The following MYOM3 variants were observed in gnomAD, a reference collection of about 807,000 sequenced individuals.
MYOM3 encodes the protein myomesin-3.
Under a neutral mutation model 191.7 loss-of-function variants are expected in MYOM3, and 155 were observed. The observed-to-expected ratio is 0.81, with a 90% CI of 0.71 to 0.92. The LOEUF (loss-of-function observed/expected upper bound fraction) is 0.92, where lower values mean the gene tolerates loss of function less well. Among genes scored for constraint, MYOM3 ranks in the 40% least tolerant of loss-of-function variants. The probability of loss-of-function intolerance (pLI) is 0.00; values close to 1 mark genes in which losing one functional copy is unlikely to be tolerated. For missense variants in MYOM3, 1,889 were observed against 1,890.6 expected, an observed-to-expected ratio of 1.00 and a Z score of 0.02; for synonymous variants, 757 against 762.9, an observed-to-expected ratio of 0.99 and a Z score of 0.13.
intron 4 of MYOM3, 94 bp from the exon 5 acceptor site, chr1:24,106,171 G>C (rs1643981917): frequency 7.3e-7 from 1 of 1,375,532 alleles, no homozygotes; most frequent in East Asian, 2.5e-5. Context: ...AGACTCTGTA[G>C]TTAGACCCAC....
At chr1:24,099,171 G>A (rs1311146983) in intron 6 of MYOM3, among the ~76,000 whole-genome samples, 2 of 152,168 alleles carry the variant, frequency 1.3e-5, no homozygotes, top group African/African-American at 2.4e-5. Flanking sequence ...ACCATGCTTA[G>A]GACGCACCAT....
chr1:24,065,256 GCT>G (rs1253927382), intron 29 of MYOM3, among the ~76,000 whole-genome samples: 1 of 152,182 alleles, frequency 6.6e-6, no homozygotes, highest in Non-Finnish European at 1.5e-5. Flanking sequence ...AGTCAGCAAG[GCT>G]CTGTTTGCTC....
Position 24,076,195 on chromosome 1 carries a change from T to C in MYOM3, c.2665A>G (p.Met889Val), listed in dbSNP as rs767537845. 21 of 1,614,150 alleles carry C rather than the reference T, an allele frequency of 1.3e-5. No individual in the cohort carries two copies. In the African/African-American group the frequency reaches 2.5e-4, roughly 19 times the overall value. ...TCCAGGAGCACGGGATCAGTGGGCA[T>C]GGACGGTTGCCCCAGACCAGCTGAA... ...MNSAGLGQPS[M>V]PTDPVLLEDK... Residue 889 changes from methionine (M) to valine (V), a missense_variant, in exon 21 of 37, where the codon ATG becomes GTG. By Grantham distance (21) the Met-to-Val change is conservative. Coordinates refer to ENST00000374434, the MANE Select transcript of MYOM3 (RefSeq NM_152372.4).
chr1:24,089,448 C>G (rs1282149327), intron 14 of MYOM3, 90 bp downstream of exon 14: 2 of 1,439,588 alleles, frequency 1.4e-6, no homozygotes, highest in African/African-American at 1.4e-5. Context: ...CTTTCATTCT[C>G]TGACGGCCTC....
At chr1:24,081,970 G>GACAC (rs747258551) in intron 18 of MYOM3, 31 bp downstream of exon 18, 1 of 1,586,276 alleles carries the variant, frequency 6.3e-7, no homozygotes, top group Non-Finnish European at 8.6e-7. Flanking sequence ...AACAAGTCAT[G>GACAC]ACACAGGCTG....
Position 24,092,971 on chromosome 1 carries a change from G to C in MYOM3, c.1066C>G (p.Gln356Glu). The change falls in exon 10 of 37, where the codon CAG becomes GAG. Residue 356 changes from glutamine (Q) to glutamate (E), a missense_variant. Coordinates refer to ENST00000374434, the MANE Select transcript of MYOM3 (RefSeq NM_152372.4). ...RVPSPFGPREQSTYVLVRDAE... is the reference protein window; with the variant it reads ...RVPSPFGPREESTYVLVRDAE... ...CCTCTCACAAGCACGTAGGTGCTCT[G>C]TTCCCGGGGTCCGAAGGGCGAGGGC... 1.2e-6 allele frequency: 2 copies of C among 1,601,486 alleles called. No homozygotes were observed. Among genetic ancestry groups the C allele is most frequent in the Non-Finnish European group, 1.7e-6 (2 of 1,175,236 alleles).
rs981659019 is a variant in MYOM3 at position 24,075,577 on chromosome 1, A to G, written c.2702-102T>C. 34 of 1,251,996 alleles carry G rather than the reference A, an allele frequency of 2.7e-5. No individual in the cohort carries two copies. The African/African-American group carries it at 4.9e-4, about 18-fold the overall frequency. 77.6% of individuals were successfully genotyped at this position (1,251,996 alleles called of 1,614,324 possible). Reference sequence around the variant, plus strand: ...CTCCAGGGCCTGCCTGTTGCACTTAATAATAAACTTGACTCCTTGCTGTGG... The same window carrying G: ...CTCCAGGGCCTGCCTGTTGCACTTAGTAATAAACTTGACTCCTTGCTGTGG... On this transcript the variant is annotated intron_variant, in intron 21 of 36. Transcript: ENST00000374434.
rs1643326483 is a variant in MYOM3, at chr1:24,058,155, TA to T, written c.4051-529del. On this transcript the variant is annotated intron_variant, in intron 36 of 36. Coordinates refer to ENST00000374434, the MANE Select transcript of MYOM3 (RefSeq NM_152372.4). Reference sequence around the variant, plus strand: ...ACTTACCCATCAGAATCTCAGACCATAATTACTCTCGCAATTATCGGTCCCA... The same window carrying T: ...ACTTACCCATCAGAATCTCAGACCATATTACTCTCGCAATTATCGGTCCCA... Among the ~76,000 whole-genome samples, 3 of 152,320 alleles carry T rather than the reference TA, an allele frequency of 2.0e-5. No homozygotes were observed. The East Asian group carries it at 5.8e-4, about 29-fold the overall frequency.
At chr1:24,080,901 G>C (rs977912194) in intron 19 of MYOM3, among the ~76,000 whole-genome samples, 1 of 152,172 alleles carries the variant, frequency 6.6e-6, no homozygotes, top group Non-Finnish European at 1.5e-5. Flanking sequence ...CTGGGTTATG[G>C]GAGCAGTGGG....
chr1:24,091,016 C>T lies in MYOM3; in HGVS notation c.1233-20G>A, dbSNP rs374233798. 4 of 1,612,658 alleles carry T rather than the reference C, an allele frequency of 2.5e-6. No individual in the cohort carries two copies. The highest frequency in any genetic ancestry group is 2.2e-5 in the South Asian group (2 of 90,966). On this transcript the variant is annotated intron_variant, in intron 11 of 36. Transcript: ENST00000374434. ...TGGCACCTGTTGGAGACAGGCCCCC[C>T]CTTTCAGCCCCTGCCCACAATGCAC...
rs749536495 is a variant in MYOM3, at chr1:24,090,823, T to A, written c.1406A>T (p.Asp469Val). Residue 469 changes from aspartate (D) to valine (V), a missense_variant, in exon 12 of 37, where the codon GAC (aspartate) becomes GTC (valine). Asp to Val is a radical substitution (Grantham distance 152, BLOSUM62 -3). Coordinates refer to ENST00000374434, the MANE Select transcript of MYOM3 (RefSeq NM_152372.4). ...TGTCTTCCTCCGGGCTGCATCATGG[T>A]CACCCATGACAACCAACTCTGAGGC... The part of the protein sequence containing the change: ...SKASELVVMG[D>V]HDAARRKTEI... 1.2e-6 allele frequency: 2 copies of A among 1,613,964 alleles called. No homozygotes were observed. The highest frequency in any genetic ancestry group is 2.7e-5 in the African/African-American group (2 of 74,914).
intron 5 of MYOM3, among the ~76,000 whole-genome samples, chr1:24,104,282 C>T (rs764614625): frequency 6.6e-5 from 10 of 152,116 alleles, no homozygotes; most frequent in Non-Finnish European, 1.2e-4. Context: ...TAGGCTGTTC[C>T]CTGTCAAGAT....
chr1:24,109,797 T>C (rs1570892271), intron 1 of MYOM3, among the ~76,000 whole-genome samples: 1 of 152,214 alleles, frequency 6.6e-6, no homozygotes, highest in Non-Finnish European at 1.5e-5. Flanking sequence ...GCCCAACCCC[T>C]AGCCCTTCTG....
intron 11 of MYOM3, 141 bp downstream of exon 11, chr1:24,092,033 A>T: frequency 1.4e-6 from 1 of 739,772 alleles, no homozygotes; most frequent in Non-Finnish European, 2.0e-6. Flanking sequence ...GACACAGCAC[A>T]GCCTGTCTCC....
intron 2 of MYOM3, 32 bp from the exon 3 acceptor site, chr1:24,108,105 T>C (rs11249170): frequency 0.63 from 1,010,002 of 1,603,436 alleles, 320,433 homozygotes; most frequent in African/African-American, 0.75. Context: ...TAAATGGCTC[T>C]TGCAGGATTG....
chr1:24,069,973 T>G (rs540987060), intron 25 of MYOM3, among the ~76,000 whole-genome samples: 1 of 152,090 alleles, frequency 6.6e-6, no homozygotes, highest in African/African-American at 2.4e-5. Context: ...TAATATGAGA[T>G]TGAGTCATGA....
intron 29 of MYOM3, 168 bp downstream of exon 29, chr1:24,065,723 A>G (rs1308559482): frequency 1.5e-6 from 1 of 677,424 alleles, no homozygotes. Flanking sequence ...ATACAATATT[A>G]TTTATCTTGA....
At chr1:24,094,790 C>T in intron 9 of MYOM3, 63 bp downstream of exon 9, 1 of 1,523,522 alleles carries the variant, frequency 6.6e-7, no homozygotes, top group South Asian at 1.3e-5. Flanking sequence ...TCCTCTCTGG[C>T]TCTGAGTTGA....
intron 3 of MYOM3, 149 bp from the exon 4 acceptor site, chr1:24,107,381 A>G: frequency 1.5e-6 from 1 of 672,712 alleles, no homozygotes. Flanking sequence ...TGCCTCCAAA[A>G]CAGCCTGGAA....
Sources: gnomAD v4.1 joint callset for allele counts (sites outside exome capture counted in the v4.1 genomes callset) on GRCh38, gnomAD v4.1.1 for gene constraint, MANE v1.5 for transcripts, NCBI Gene and HGNC (gene_info 2026-07-23, HGNC 2026-07-21) for gene names.